TOMM22: variants seen among roughly 807,000 people sequenced by gnomAD.
The protein encoded by TOMM22 is mitochondrial import receptor subunit TOM22 homolog.
TOMM22 carries 3 observed loss-of-function variants against 17.1 expected under a neutral mutation model. The observed-to-expected ratio is 0.18, with a 90% CI of 0.08 to 0.45. The LOEUF (loss-of-function observed/expected upper bound fraction) is 0.45. TOMM22 is among the 20% of genes least tolerant of loss of function. TOMM22 has a pLI of 0.99. For missense variants in TOMM22, 159 were observed against 179.5 expected, an observed-to-expected ratio of 0.89 and a Z score of 0.65; for synonymous variants, 91 against 74.0, an observed-to-expected ratio of 1.23 and a Z score of -1.18.
At position 38,682,915 on chromosome 22, in the gene TOMM22, C is replaced by T; in HGVS notation, c.273C>T (p.Ser91=). ...SRAALWIGTT[S]FMILVLPVVF... is the part of the protein sequence containing the mutation. ...CAGCCTTGTGGATTGGGACCACTTC[C>T]TTTATGATCCTGGTTCTTCCCGTTG... Residue 91 remains serine (S), a synonymous_variant, in exon 3 of 4, where the codon TCC becomes TCT. Transcript: ENST00000216034. 2.5e-6 allele frequency: 4 copies of T among 1,613,644 alleles called. No individual in the cohort carries two copies. The highest frequency in any genetic ancestry group is 3.4e-6 in the Non-Finnish European group (4 of 1,179,894).
rs569273925 is a variant in TOMM22, at chr22:38,684,188, C to T, written c.*347C>T. The T allele has an allele frequency of 1.6e-5, 4 of 253,436 alleles. No individual in the cohort carries two copies. The highest frequency in any genetic ancestry group is 3.0e-5 in the Non-Finnish European group (4 of 131,582). 15.7% of individuals were successfully genotyped at this position (253,436 alleles called of 1,614,324 possible). A position where few individuals can be genotyped will look rare whatever the true frequency, so the allele number is the denominator to read the frequency against. On this transcript the variant is annotated 3_prime_UTR_variant, in exon 4 of 4. Coordinates refer to ENST00000216034, the MANE Select transcript of TOMM22 (RefSeq NM_020243.5). ...GCCAGTGGGAGGGATGTGCCCCTGA[C>T]CATTAACGACTGTTTTTTTTTTTTT...
intron 1 of TOMM22, 108 bp downstream of exon 1, chr22:38,682,203 G>A (rs951865690): frequency 1.5e-5 from 22 of 1,487,942 alleles, no homozygotes; most frequent in Non-Finnish European, 1.9e-5. Context: ...GGCGGGGTTA[G>A]GGGCCCTGCT....
rs1366255063 is a variant in TOMM22 at position 38,682,311 on chromosome 22, A to C, written c.118-12A>C. ...GCTTTTTCGGCTAAGACCCGCGTCT[A>C]CTCCACCACAGCTAGATGAGACCCT... is the stretch of plus-strand genomic sequence containing the variant. On this transcript the variant is annotated splice_polypyrimidine_tract_variant and intron_variant, in intron 1 of 3. Transcript: ENST00000216034. 1.2e-6 allele frequency: 2 copies of C among 1,610,878 alleles called. No homozygotes were observed. The highest frequency in any genetic ancestry group is 1.7e-4 in the Middle Eastern group (1 of 5,940).
rs989737107 is a variant in TOMM22, at chr22:38,684,539, C to T, written c.*698C>T. The T allele has an allele frequency of 2.6e-5, 4 of 152,122 alleles. No homozygotes were observed. The highest frequency in any genetic ancestry group is 9.7e-5 in the African/African-American group (4 of 41,424). 9.4% of individuals were successfully genotyped at this position (152,122 alleles called of 1,614,324 possible). A position where few individuals can be genotyped will look rare whatever the true frequency, so the allele number is the denominator to read the frequency against. ...GACCACGTCAGAGACATGTACTGCC[C>T]CTCACATTTTCTCACCTAAACCAGC... is the stretch of plus-strand genomic sequence containing the variant. On this transcript the variant is annotated 3_prime_UTR_variant, in exon 4 of 4. Coordinates refer to ENST00000216034, the MANE Select transcript of TOMM22 (RefSeq NM_020243.5).
At chr22:38,682,184 G>C (rs181551250) in intron 1 of TOMM22, 89 bp downstream of exon 1, 3 of 1,502,836 alleles carry the variant, frequency 2.0e-6, no homozygotes, top group African/African-American at 1.4e-5. Flanking sequence ...CGAAGCGGCT[G>C]CTTTGGGAGG....
At chr22:38,683,109 TACA>T in intron 3 of TOMM22, 113 bp downstream of exon 3, 1 of 329,088 alleles carries the variant, frequency 3.0e-6, no homozygotes, top group Admixed American at 4.3e-5. Flanking sequence ...ACACAGTTTT[TACA>T]TGGATGGTGG....
rs564008549 is a variant in TOMM22, at chr22:38,684,026, A to G, written c.*185A>G. 8 of 572,968 alleles carry G rather than the reference A, an allele frequency of 1.4e-5. No individual in the cohort carries two copies. In the East Asian group the frequency reaches 2.2e-4, roughly 16 times the overall value. The allele number at this position is 572,968 out of a possible 1,614,324, so 35.5% of individuals were successfully genotyped here. On this transcript the variant is annotated 3_prime_UTR_variant, in exon 4 of 4. Transcript: ENST00000216034. The stretch of plus-strand genomic sequence containing the variant: ...AACTTGCAACTGTGCCCTCCACACT[A>G]TCCTTACTTCTGTCTCCACTCTGAT...
chr22:38,682,098 A>C lies in TOMM22; in HGVS notation c.117+3A>C, dbSNP rs775867644. The C allele has an allele frequency of 1.7e-5, 26 of 1,573,304 alleles. No homozygotes were observed. Among genetic ancestry groups the C allele is most frequent in the Non-Finnish European group, 2.2e-5 (25 of 1,159,268 alleles). On this transcript the variant is annotated splice_donor_region_variant and intron_variant, in intron 1 of 3. Coordinates refer to ENST00000216034, the MANE Select transcript of TOMM22 (RefSeq NM_020243.5). Reference sequence around the variant, plus strand: ...TGGAGGAGGACGACGATGAGGAGGTACTAGGGCCTCGCGGGGTGCAGAGCG... The same window carrying C: ...TGGAGGAGGACGACGATGAGGAGGTCCTAGGGCCTCGCGGGGTGCAGAGCG...
In TOMM22 at chr22:38,684,105, T is replaced by C; in HGVS notation, c.*264T>C. The C allele has an allele frequency of 2.4e-6, 1 of 416,194 alleles. No homozygotes were observed. Among genetic ancestry groups the C allele is most frequent in the East Asian group, 3.4e-5 (1 of 29,358 alleles). 25.8% of individuals were successfully genotyped at this position (416,194 alleles called of 1,614,324 possible). On this transcript the variant is annotated 3_prime_UTR_variant, in exon 4 of 4. Coordinates refer to ENST00000216034, the MANE Select transcript of TOMM22 (RefSeq NM_020243.5). Reference sequence around the variant, plus strand: ...TCCAGCTCTGGTCACCCGACTCCTTTCACCAAATTGCTCCTAACTGGAAGA... The same window carrying C: ...TCCAGCTCTGGTCACCCGACTCCTTCCACCAAATTGCTCCTAACTGGAAGA...
At position 38,682,020 on chromosome 22, in the gene TOMM22, G is replaced by A. The variant is rs6001195; in HGVS notation, c.42G>A (p.Gln14=). Residue 14 remains glutamine, a synonymous_variant, in exon 1 of 4, where the codon CAG becomes CAA. Coordinates refer to ENST00000216034, the MANE Select transcript of TOMM22 (RefSeq NM_020243.5). ...AVAAAGAGEP[Q]SPDELLPKGD... The stretch of plus-strand genomic sequence containing the variant: ...CTGCTGCCGGTGCAGGGGAACCCCA[G>A]TCCCCGGACGAATTGCTCCCGAAAG... 1 of 1,611,076 alleles carries A rather than the reference G, an allele frequency of 6.2e-7. No homozygotes were observed. The highest frequency in any genetic ancestry group is 1.3e-5 in the African/African-American group (1 of 75,004).
At chr22:38,682,742 T>G in intron 2 of TOMM22, 137 bp from the exon 3 acceptor site, 2 of 765,268 alleles carry the variant, frequency 2.6e-6, no homozygotes, top group Non-Finnish European at 2.2e-6. Flanking sequence ...CTGGTAGGAG[T>G]ATGGTGTAAG....
In TOMM22 at chr22:38,683,959, T is replaced by A; in HGVS notation, c.*118T>A. ...TTTGGCACATTGATCTATCTAAACC[T>A]GGTGGGGAGAATTATCCCCACATTG... On this transcript the variant is annotated 3_prime_UTR_variant, in exon 4 of 4. Transcript: ENST00000216034. The A allele has an allele frequency of 1.2e-6, 1 of 803,262 alleles. No homozygotes were observed. The highest frequency in any genetic ancestry group is 1.7e-5 in the South Asian group (1 of 58,930). 49.8% of individuals were successfully genotyped at this position (803,262 alleles called of 1,614,324 possible).
Position 38,682,862 on chromosome 22 carries a change from G to A in TOMM22, c.237-17G>A, listed in dbSNP as rs966781433. 1.2e-6 allele frequency: 2 copies of A among 1,609,592 alleles called. No homozygotes were observed. Among genetic ancestry groups the A allele is most frequent in the East Asian group, 2.2e-5 (1 of 44,878 alleles). On this transcript the variant is annotated splice_polypyrimidine_tract_variant and intron_variant, in intron 2 of 3. Transcript: ENST00000216034. ...TGCATGTCTTCATGCTCACCCTCTG[G>A]GGATTTTCCTCTGCAGGTTTTCCAG...
At position 38,682,080 on chromosome 22, in the gene TOMM22, G is replaced by C. The variant is rs998315932; in HGVS notation, c.102G>C (p.Glu34Asp). The stretch of plus-strand genomic sequence containing the variant: ...AGAAGCCTGAGGAGGAGCTGGAGGA[G>C]GACGACGATGAGGAGGTACTAGGGC... The part of the protein sequence containing the change: ...DAEKPEEELE[E>D]DDDEELDETL... Residue 34 changes from glutamate (E) to aspartate (D), a missense_variant, in exon 1 of 4, where the codon GAG becomes GAC. Physicochemically the swap from Glu to Asp is conservative, Grantham distance 45 (BLOSUM62 2). Transcript: ENST00000216034. 5 of 1,584,302 alleles carry C rather than the reference G, an allele frequency of 3.2e-6. No homozygotes were observed. The highest frequency in any genetic ancestry group is 3.4e-6 in the Non-Finnish European group (4 of 1,165,242).
Position 38,683,885 on chromosome 22 carries a change from A to T in TOMM22, c.*44A>T, listed in dbSNP as rs774013714. 6.4e-7 allele frequency: 1 copy of T among 1,551,432 alleles called. No individual in the cohort carries two copies. Among genetic ancestry groups the T allele is most frequent in the East Asian group, 2.2e-5 (1 of 44,454 alleles). On this transcript the variant is annotated 3_prime_UTR_variant, in exon 4 of 4. Coordinates refer to ENST00000216034, the MANE Select transcript of TOMM22 (RefSeq NM_020243.5). Reference sequence around the variant, plus strand: ...GCTGTCTCAGTGGGATAAGTTTGAAATTCAAGTGTTTGAACTGCTGATAAT... The same window carrying T: ...GCTGTCTCAGTGGGATAAGTTTGAATTTCAAGTGTTTGAACTGCTGATAAT...
chr22:38,682,530 T>C, intron 2 of TOMM22, 89 bp downstream of exon 2: 1 of 1,207,124 alleles, frequency 8.3e-7, no homozygotes, highest in South Asian at 1.2e-5. Context: ...AGCAGACCCG[T>C]GTTGGGTGAC....
At position 38,683,914 on chromosome 22, in the gene TOMM22, G is replaced by C. The variant is rs1236989488; in HGVS notation, c.*73G>C. The C allele has an allele frequency of 1.5e-6, 2 of 1,371,500 alleles. No individual in the cohort carries two copies. The highest frequency in any genetic ancestry group is 2.0e-6 in the Non-Finnish European group (2 of 981,550). 85.0% of individuals were successfully genotyped at this position (1,371,500 alleles called of 1,614,324 possible). A position where few individuals can be genotyped will look rare whatever the true frequency, so the allele number is the denominator to read the frequency against. On this transcript the variant is annotated 3_prime_UTR_variant, in exon 4 of 4. Transcript: ENST00000216034. ...AAGTGTTTGAACTGCTGATAATTTG[G>C]ATTTTTTTTTTTTTTTAACTTTGGC...
intron 3 of TOMM22, 100 bp from the exon 4 acceptor site, chr22:38,683,667 C>T (rs1042985509): frequency 5.8e-6 from 5 of 856,194 alleles, no homozygotes; most frequent in Non-Finnish European, 9.6e-6. Context: ...TCTGACTGTG[C>T]TTTCAGTATT....
Position 38,684,074 on chromosome 22 carries a change from G to C in TOMM22, c.*233G>C, listed in dbSNP as rs2092488256. The stretch of plus-strand genomic sequence containing the variant: ...GATACCAGAGTGCAGCCATGCAGAT[G>C]GTTATTCCAGCTCTGGTCACCCGAC... On this transcript the variant is annotated 3_prime_UTR_variant, in exon 4 of 4. Transcript: ENST00000216034. 2.0e-6 allele frequency: 1 copy of C among 489,304 alleles called. No homozygotes were observed. Among genetic ancestry groups the C allele is most frequent in the Admixed American group, 3.2e-5 (1 of 31,596 alleles). The allele number at this position is 489,304 out of a possible 1,614,324, so 30.3% of individuals were successfully genotyped here.
Sources: allele counts gnomAD v4.1 joint callset, GRCh38; gene constraint gnomAD v4.1.1; transcripts MANE v1.5; gene names NCBI Gene and HGNC (gene_info 2026-07-23, HGNC 2026-07-21).